Variants in SBF2 observed in about 807,000 individuals in gnomAD.
The protein encoded by SBF2 is SET binding factor 2.
SBF2 carries 112 observed loss-of-function variants against 225.2 expected under a neutral mutation model. The observed-to-expected ratio is 0.50, with a 90% CI of 0.43 to 0.58. The LOEUF is 0.58. Ranked by LOEUF, SBF2 falls within the 20% of genes least tolerant of loss-of-function variation. The probability of loss-of-function intolerance (pLI) is 0.00; values close to 1 mark genes in which losing one functional copy is unlikely to be tolerated. For synonymous variants in SBF2, 763 were observed against 773.3 expected (o/e 0.99, Z 0.22); for missense variants, 1,996 against 2,206.2 (o/e 0.90, Z 1.91).
At position 9,847,024 on chromosome 11, in the gene SBF2, T is replaced by C; in HGVS notation, c.2866A>G (p.Ile956Val). ...PIASITKEKK[I>V]TMQNQLQQNM... The stretch of plus-strand genomic sequence containing the variant: ...TGCTGTAGCTGGTTCTGCATTGTAA[T>C]CTTCTTCTCCTTGGTGATGGAGGCA... The change falls in exon 23 of 40, where the codon ATT (isoleucine) becomes GTT (valine). Residue 956 changes from isoleucine (I) to valine (V), a missense_variant. Physicochemically the swap from Ile to Val is conservative, Grantham distance 29 (BLOSUM62 3). Transcript: ENST00000256190. 6.2e-7 allele frequency: 1 copy of C among 1,613,870 alleles called. No individual in the cohort carries two copies.
intron 13 of SBF2, among the ~76,000 whole-genome samples, chr11:9,976,541 G>A (rs1188268775): frequency 6.6e-6 from 1 of 152,100 alleles, no homozygotes; most frequent in Non-Finnish European, 1.5e-5. Flanking sequence ...AGGCTGTAGT[G>A]CATTATGTTT....
intron 2 of SBF2, among the ~76,000 whole-genome samples, chr11:10,150,879 T>C (rs368359831): frequency 1.3e-5 from 2 of 152,074 alleles, no homozygotes; most frequent in Admixed American, 6.6e-5. Flanking sequence ...AATGGGAGGA[T>C]AAATCTTTTA....
chr11:9,869,317 A>AT (rs1018601377), intron 17 of SBF2, among the ~76,000 whole-genome samples: 1 of 151,698 alleles, frequency 6.6e-6, no homozygotes, highest in Admixed American at 6.6e-5. Context: ...TTCCCTGAAA[A>AT]TTTTTTTTTC....
chr11:10,185,523 TAGCTC>T (rs1293706025), intron 2 of SBF2, among the ~76,000 whole-genome samples: 1 of 152,124 alleles, frequency 6.6e-6, no homozygotes, highest in Non-Finnish European at 1.5e-5. Flanking sequence ...GTGCAAATCA[TAGCTC>T]ACTGCTGCCT....
At chr11:10,238,121 A>G (rs1339790848) in intron 1 of SBF2, among the ~76,000 whole-genome samples, 1 of 152,232 alleles carries the variant, frequency 6.6e-6, no homozygotes, top group Admixed American at 6.5e-5. Flanking sequence ...AAAATATAAC[A>G]TGGAGGCTGG....
chr11:10,073,279 GT>G (rs1241257490), intron 2 of SBF2, among the ~76,000 whole-genome samples: 2 of 152,046 alleles, frequency 1.3e-5, no homozygotes, highest in Non-Finnish European at 2.9e-5. Flanking sequence ...CCCTTGTAAA[GT>G]TGAAGTAAAA....
At chr11:9,960,173 A>T (rs1418355616) in intron 16 of SBF2, 1 of 154,904 alleles carries the variant, frequency 6.5e-6, no homozygotes, top group African/African-American at 2.4e-5. Flanking sequence ...AGTTCTTGTA[A>T]TCGGAGCATT....
intron 1 of SBF2, among the ~76,000 whole-genome samples, chr11:10,233,669 TCTC>T (rs1958950404): frequency 6.6e-6 from 1 of 151,508 alleles, no homozygotes; most frequent in Non-Finnish European, 1.5e-5. Flanking sequence ...GCCACTCAGA[TCTC>T]CTTTCAAGAA....
intron 2 of SBF2, among the ~76,000 whole-genome samples, chr11:10,185,523 T>C (rs577825575): frequency 8.5e-5 from 13 of 152,240 alleles, no homozygotes; most frequent in African/African-American, 2.6e-4. Context: ...GTGCAAATCA[T>C]AGCTCACTGC....
intron 2 of SBF2, among the ~76,000 whole-genome samples, chr11:10,070,167 C>A (rs1313117550): frequency 2.0e-5 from 3 of 152,142 alleles, no homozygotes; most frequent in Non-Finnish European, 2.9e-5. Context: ...TTAATTAGAT[C>A]CCATTTGTCA....
At chr11:9,872,999 G>A (rs553154182) in intron 17 of SBF2, among the ~76,000 whole-genome samples, 1 of 152,038 alleles carries the variant, frequency 6.6e-6, no homozygotes, top group East Asian at 1.9e-4. Flanking sequence ...GAGGTCAGGA[G>A]ATCGAGACCT....
intron 2 of SBF2, among the ~76,000 whole-genome samples, chr11:10,135,524 C>G (rs1211128248): frequency 6.6e-6 from 1 of 152,188 alleles, no homozygotes; most frequent in Non-Finnish European, 1.5e-5. Context: ...ATGCCTTTAA[C>G]AGCACCCAAG....
intron 8 of SBF2, 129 bp downstream of exon 8, chr11:10,000,785 C>A: frequency 1.6e-6 from 1 of 628,794 alleles, no homozygotes; most frequent in Non-Finnish European, 2.9e-6. Flanking sequence ...TATTTTTCTT[C>A]TATCCAATCT....
At chr11:9,794,613 C>G (rs766595448) in intron 33 of SBF2, among the ~76,000 whole-genome samples, 1 of 135,934 alleles carries the variant, frequency 7.4e-6, no homozygotes, top group Non-Finnish European at 1.5e-5. Flanking sequence ...TGCAGTGAGC[C>G]AAGATCGCAC....
intron 16 of SBF2, among the ~76,000 whole-genome samples, chr11:9,919,802 G>C (rs1379625792): frequency 1.3e-5 from 2 of 151,976 alleles, no homozygotes; most frequent in African/African-American, 4.8e-5. Flanking sequence ...CCTCCCTTAG[G>C]CTCACTACAA....
intron 16 of SBF2, among the ~76,000 whole-genome samples, chr11:9,942,938 A>AAGGAAC (rs1865361616): frequency 6.8e-6 from 1 of 146,206 alleles, no homozygotes; most frequent in African/African-American, 2.5e-5. Flanking sequence ...AAAGAAAGAA[A>AAGGAAC]GAAGGAAGGA....
chr11:10,091,807 T>C (rs188248686), intron 2 of SBF2, among the ~76,000 whole-genome samples: 28 of 152,302 alleles, frequency 1.8e-4, no homozygotes, highest in African/African-American at 6.0e-4. Flanking sequence ...CACAAGGAGA[T>C]AAAGAAAGCA....
At chr11:9,990,380 T>C (rs904778685) in intron 12 of SBF2, among the ~76,000 whole-genome samples, 1 of 152,226 alleles carries the variant, frequency 6.6e-6, no homozygotes, top group African/African-American at 2.4e-5. Context: ...GACAAGGCCA[T>C]GCACAATGCA....
chr11:9,852,804 CA>C, intron 20 of SBF2, 55 bp from the exon 21 acceptor site: 2 of 1,283,654 alleles, frequency 1.6e-6, no homozygotes, highest in Non-Finnish European at 2.3e-6. Context: ...AGGATAAAAA[CA>C]AATTCTGGAT....
Sources: allele counts gnomAD v4.1 joint callset (sites outside exome capture counted in the v4.1 genomes callset), GRCh38; gene constraint gnomAD v4.1.1; transcripts MANE v1.5; gene names NCBI Gene and HGNC (gene_info 2026-07-23, HGNC 2026-07-21).